HELQ: variants seen among roughly 807,000 people sequenced by gnomAD.
The protein encoded by HELQ is helicase POLQ-like.
HELQ carries 77 observed loss-of-function variants against 111.6 expected under a neutral mutation model. That is an observed-to-expected ratio of 0.69 (90% CI 0.57 to 0.83). The LOEUF (loss-of-function observed/expected upper bound fraction) is 0.83. HELQ is among the 40% of genes least tolerant of loss of function. HELQ has a pLI of 0.00. For missense variants in HELQ, 1,200 were observed against 1,288.5 expected (o/e 0.93, Z 1.05); for synonymous variants, 438 against 454.7 (o/e 0.96, Z 0.47).
At chr4:83,418,371 T>C (rs1739473802) in intron 15 of HELQ, among the ~76,000 whole-genome samples, 165 bp from the exon 16 acceptor site, 1 of 152,158 alleles carries the variant, frequency 6.6e-6, no homozygotes, top group Non-Finnish European at 1.5e-5. Flanking sequence ...TGAAGAAACA[T>C]GGGGAGGACC....
At position 83,441,289 on chromosome 4, in the gene HELQ, A is replaced by T; in HGVS notation, c.1662+16T>A. ...CAAAGTCTGGTAACCTGGAATTTAA[A>T]TGTTATCAATGTTACCTTATAATTA... On this transcript the variant is annotated intron_variant, in intron 7 of 17. Coordinates refer to ENST00000295488, the MANE Select transcript of HELQ (RefSeq NM_133636.5). 7.1e-7 allele frequency: 1 copy of T among 1,402,490 alleles called. No homozygotes were observed. The highest frequency in any genetic ancestry group is 1.0e-6 in the Non-Finnish European group (1 of 997,152). 86.9% of individuals were successfully genotyped at this position (1,402,490 alleles called of 1,614,324 possible). A position where few individuals can be genotyped will look rare whatever the true frequency, so the allele number is the denominator to read the frequency against.
At position 83,435,602 on chromosome 4, in the gene HELQ, A is replaced by G. The variant is rs570142665; in HGVS notation, c.2048+1256T>C. Among the ~76,000 whole-genome samples the G allele has an allele frequency of 2.0e-5, 3 of 152,184 alleles. No individual in the cohort carries two copies. The South Asian group carries it at 6.2e-4, about 32-fold the overall frequency. ...AAAAAAAAAAAATCAGAGAAGAAAG[A>G]TGTGGGATATAAGAGGCAGTGGTAA... On this transcript the variant is annotated intron_variant, in intron 9 of 17. Coordinates refer to ENST00000295488, the MANE Select transcript of HELQ (RefSeq NM_133636.5).
intron 1 of HELQ, among the ~76,000 whole-genome samples, chr4:83,454,317 A>G (rs1391720135): frequency 1.3e-5 from 2 of 152,236 alleles, no homozygotes; most frequent in African/African-American, 2.4e-5. Flanking sequence ...ATGTAAATAG[A>G]TATCTTACAG....
intron 9 of HELQ, among the ~76,000 whole-genome samples, chr4:83,434,801 T>G (rs1450077182): frequency 6.6e-6 from 1 of 152,118 alleles, no homozygotes; most frequent in Non-Finnish European, 1.5e-5. Context: ...CACAAACGTG[T>G]GCTTACATTC....
chr4:83,427,762 G>C (rs181627200), intron 12 of HELQ, 42 bp from the exon 13 acceptor site: 63 of 1,347,870 alleles, frequency 4.7e-5, no homozygotes, highest in Non-Finnish European at 6.0e-5. Context: ...ACAATTACCA[G>C]AGGGGCAAAG....
At chr4:83,418,608 A>G (rs1739486475) in intron 15 of HELQ, among the ~76,000 whole-genome samples, 1 of 152,250 alleles carries the variant, frequency 6.6e-6, no homozygotes, top group South Asian at 2.1e-4. Flanking sequence ...CAACAATACA[A>G]TAATAAAAAT....
At position 83,416,334 on chromosome 4, in the gene HELQ, C is replaced by A. The variant is rs1278854667; in HGVS notation, c.3198+397G>T. Among the ~76,000 whole-genome samples the A allele has an allele frequency of 1.3e-5, 2 of 151,926 alleles. 1 individual carries two copies. The highest frequency in any genetic ancestry group is 4.2e-4 in the South Asian group (2 of 4,816). ...CTCCTGGGCTCAAGCGATCCTCTTG[C>A]CTCAGTCTCCGGAGTAGCTAGAACT... On this transcript the variant is annotated intron_variant, in intron 17 of 17. Coordinates refer to ENST00000295488, the MANE Select transcript of HELQ (RefSeq NM_133636.5).
chr4:83,427,265 T>G (rs1719896116), intron 13 of HELQ, among the ~76,000 whole-genome samples: 1 of 152,178 alleles, frequency 6.6e-6, no homozygotes, highest in South Asian at 2.1e-4. Context: ...CCATAAATGC[T>G]GTTGCCAGAT....
chr4:83,416,033 G>A (rs924159051), intron 17 of HELQ, among the ~76,000 whole-genome samples: 10 of 149,464 alleles, frequency 6.7e-5, no homozygotes, highest in African/African-American at 1.5e-4. Context: ...TGCCATCTCC[G>A]TCTCCTGGGC....
chr4:83,411,294 G>T (rs1330024943), intron 17 of HELQ, among the ~76,000 whole-genome samples: 2 of 150,918 alleles, frequency 1.3e-5, no homozygotes, highest in African/African-American at 4.9e-5. Flanking sequence ...AAGTGCCTTT[G>T]AACTTTTTTT....
chr4:83,415,174 GCTTTACCC>G (rs1739295440), intron 17 of HELQ, among the ~76,000 whole-genome samples: 1 of 152,184 alleles, frequency 6.6e-6, no homozygotes, highest in Non-Finnish European at 1.5e-5. Context: ...CTGTGGAATG[GCTTTACCC>G]ACAGGGAGCA....
intron 17 of HELQ, among the ~76,000 whole-genome samples, chr4:83,412,682 C>A (rs1739166496): frequency 6.6e-6 from 1 of 152,062 alleles, no homozygotes; most frequent in African/African-American, 2.4e-5. Context: ...AAAACATTAG[C>A]CAGGCGTGGC....
rs145416240 is a variant in HELQ, at chr4:83,416,092, G to A, written c.3198+639C>T. On this transcript the variant is annotated intron_variant, in intron 17 of 17. Coordinates refer to ENST00000295488, the MANE Select transcript of HELQ (RefSeq NM_133636.5). ...CTCCCGAGTAGCTGGGATTATAGGC[G>A]TGTGCCACCAAGTCTGGCTAAATTT... is the stretch of plus-strand genomic sequence containing the variant. Among the ~76,000 whole-genome samples the A allele has an allele frequency of 7.0e-3, 1,052 of 150,448 alleles. 24 individuals are homozygous for A. Among genetic ancestry groups the A allele is most frequent in the Admixed American group, 0.054 (820 of 15,058 alleles).
intron 6 of HELQ, among the ~76,000 whole-genome samples, chr4:83,442,123 CTTTA>C (rs1327547641): frequency 2.0e-5 from 3 of 152,130 alleles, no homozygotes; most frequent in South Asian, 2.1e-4. Context: ...CACTATTTTT[CTTTA>C]TTTGTCGACA....
intron 9 of HELQ, among the ~76,000 whole-genome samples, chr4:83,436,303 A>G (rs570105330): frequency 6.6e-6 from 1 of 152,304 alleles, no homozygotes; most frequent in South Asian, 2.1e-4. Flanking sequence ...TCAACTGAAA[A>G]TACATATTTT....
At chr4:83,443,390 G>A in intron 6 of HELQ, 127 bp downstream of exon 6, 2 of 497,418 alleles carry the variant, frequency 4.0e-6, no homozygotes, top group Non-Finnish European at 3.6e-6. Flanking sequence ...TTAGCATATA[G>A]TCATGGTGAG....
intron 12 of HELQ, among the ~76,000 whole-genome samples, chr4:83,429,132 A>G (rs2109984491): frequency 6.6e-6 from 1 of 152,106 alleles, no homozygotes; most frequent in Admixed American, 6.5e-5. Context: ...ATACAACTTA[A>G]AGAAAGTATA....
At position 83,418,159 on chromosome 4, in the gene HELQ, G is replaced by A; in HGVS notation, c.2997C>T (p.Thr999=). 4 of 1,609,186 alleles carry A rather than the reference G, an allele frequency of 2.5e-6. No homozygotes were observed. Among genetic ancestry groups the A allele is most frequent in the Non-Finnish European group, 3.4e-6 (4 of 1,177,410 alleles). The stretch of plus-strand genomic sequence containing the variant: ...CCTTTACACAGTAAGTCAGCTTCTT[G>A]GTAAGTTCTACCAAAAGGGCTCTGT... ...WVYRALLVEL[T]KKLTYCVKAE... The change falls in exon 16 of 18, where the codon ACC becomes ACT. Residue 999 remains threonine, a synonymous_variant. Coordinates refer to ENST00000295488, the MANE Select transcript of HELQ (RefSeq NM_133636.5).
In HELQ at chr4:83,431,707, G is replaced by A; in HGVS notation, c.2252C>T (p.Thr751Ile). The A allele has an allele frequency of 6.4e-7, 1 of 1,563,052 alleles. No individual in the cohort carries two copies. Among genetic ancestry groups the A allele is most frequent in the South Asian group, 1.2e-5 (1 of 84,206 alleles). ...GAGAAATAATGTTTGGATTCCCTTG[G>A]TGAATTCCTGAACAAGATGGCTGTA... The part of the protein sequence containing the change: ...NCYSHLVQEF[T>I]KGIQTLFLSL... The change falls in exon 11 of 18, where the codon ACC becomes ATC. Residue 751 changes from threonine to isoleucine, a missense_variant. Thr to Ile is a moderately conservative substitution (Grantham distance 89). Around this residue, in one of 3 missense-constraint regions of HELQ, gnomAD observed 585 missense variants for 665.3 expected, o/e 0.88. Coordinates refer to ENST00000295488, the MANE Select transcript of HELQ (RefSeq NM_133636.5).
Sources: allele counts gnomAD v4.1 joint callset (sites outside exome capture counted in the v4.1 genomes callset), GRCh38; gene constraint gnomAD v4.1.1; regional missense constraint gnomAD v4.1.1; transcripts MANE v1.5; gene names NCBI Gene and HGNC (gene_info 2026-07-23, HGNC 2026-07-21).